The following PAQR8 variants were observed in gnomAD, a reference collection of about 807,000 sequenced individuals.
PAQR8 encodes the protein membrane progestin receptor beta.
Under a neutral mutation model 25.2 loss-of-function variants are expected in PAQR8, and 17 were observed. The observed-to-expected ratio is 0.67, with a 90% CI of 0.46 to 1.01. The LOEUF (loss-of-function observed/expected upper bound fraction) is 1.01, where lower values mean the gene tolerates loss of function less well. PAQR8 is among the 50% of genes least tolerant of loss of function. PAQR8 has a pLI of 0.00. For synonymous variants in PAQR8, 204 were observed against 190.6 expected (o/e 1.07, Z -0.58); for missense variants, 392 against 448.4 (o/e 0.87, Z 1.14).
chr6:52,391,725 T>G (rs1311467989), intron 1 of PAQR8, among the ~76,000 whole-genome samples: 1 of 152,260 alleles, frequency 6.6e-6, no homozygotes, highest in South Asian at 2.1e-4. Flanking sequence ...GTTGTCATTT[T>G]GGCTGCTATT....
intron 1 of PAQR8, among the ~76,000 whole-genome samples, chr6:52,389,513 G>T (rs10046297): frequency 0.18 from 27,183 of 152,142 alleles, 2,647 homozygotes; most frequent in Non-Finnish European, 0.22. Flanking sequence ...GATAGATAAG[G>T]GTTGGGGGCG....
intron 1 of PAQR8, among the ~76,000 whole-genome samples, chr6:52,376,612 T>C (rs1251035264): frequency 6.6e-6 from 1 of 152,176 alleles, no homozygotes; most frequent in Non-Finnish European, 1.5e-5. Flanking sequence ...CAAGTATTTT[T>C]AAAGTATTTT....
At chr6:52,382,851 G>T (rs929139773) in intron 1 of PAQR8, among the ~76,000 whole-genome samples, 1 of 152,120 alleles carries the variant, frequency 6.6e-6, no homozygotes, top group African/African-American at 2.4e-5. Context: ...CTAGAATGCG[G>T]TGTCACTATC....
At chr6:52,401,311 G>A (rs1316536869) in intron 1 of PAQR8, among the ~76,000 whole-genome samples, 1 of 152,120 alleles carries the variant, frequency 6.6e-6, no homozygotes, top group East Asian at 1.9e-4. Context: ...TGCTGTATGT[G>A]CTCCATTTAG....
chr6:52,389,288 A>G (rs1763668967), intron 1 of PAQR8, among the ~76,000 whole-genome samples: 1 of 152,240 alleles, frequency 6.6e-6, no homozygotes, highest in African/African-American at 2.4e-5. Context: ...GGCAAAGGAT[A>G]GTCATTCACT....
At chr6:52,392,519 C>T (rs1053910951) in intron 1 of PAQR8, among the ~76,000 whole-genome samples, 4 of 152,160 alleles carry the variant, frequency 2.6e-5, no homozygotes, top group African/African-American at 2.4e-5. Context: ...TTCTATTTGT[C>T]ATCCAGATAA....
chr6:52,370,067 T>C (rs1216461331), intron 1 of PAQR8, among the ~76,000 whole-genome samples: 2 of 148,950 alleles, frequency 1.3e-5, no homozygotes, highest in African/African-American at 5.0e-5. Context: ...TTTCTTGGAT[T>C]GCATGGGTTT....
intron 1 of PAQR8, among the ~76,000 whole-genome samples, chr6:52,395,569 T>A (rs906629406): frequency 2.6e-5 from 4 of 152,206 alleles, no homozygotes; most frequent in Non-Finnish European, 5.9e-5. Context: ...GAGGCAGTAT[T>A]ATGATGATTC....
chr6:52,397,262 C>A (rs1694930404), intron 1 of PAQR8, among the ~76,000 whole-genome samples: 1 of 152,140 alleles, frequency 6.6e-6, no homozygotes, highest in Non-Finnish European at 1.5e-5. Flanking sequence ...TTCCTCATTA[C>A]TCCCCAGTAG....
At chr6:52,363,753 G>A (rs1763317845) in intron 1 of PAQR8, among the ~76,000 whole-genome samples, 1 of 152,158 alleles carries the variant, frequency 6.6e-6, no homozygotes, top group African/African-American at 2.4e-5. Context: ...TATCCACAAC[G>A]TGTACCCAGC....
chr6:52,375,044 TTTA>T (rs745719356), intron 1 of PAQR8, among the ~76,000 whole-genome samples: 25 of 152,052 alleles, frequency 1.6e-4, no homozygotes, highest in East Asian at 3.8e-4. Context: ...GAAATAGTTT[TTTA>T]TTATTGATAT....
chr6:52,376,165 A>G (rs1763483041), intron 1 of PAQR8, among the ~76,000 whole-genome samples: 1 of 152,222 alleles, frequency 6.6e-6, no homozygotes, highest in Admixed American at 6.5e-5. Flanking sequence ...AATGCGTATG[A>G]AGCATCAAGA....
intron 1 of PAQR8, among the ~76,000 whole-genome samples, chr6:52,402,551 A>G (rs1258845790): frequency 2.1e-5 from 3 of 141,894 alleles, no homozygotes; most frequent in African/African-American, 8.0e-5. Flanking sequence ...CGGGAGGCGG[A>G]GGTTGTGGTG....
Position 52,384,142 on chromosome 6 carries a change from T to C in PAQR8, c.-52-19020T>C, listed in dbSNP as rs923653058. 1.2e-4 allele frequency among the ~76,000 whole-genome samples: 18 copies of C among 152,220 alleles called. 1 individual carries two copies. Among genetic ancestry groups the C allele is most frequent in the African/African-American group, 4.3e-4 (18 of 41,462 alleles). ...AAATTTCACTCTTGATTTCAAGGCT[T>C]GATGCCTGAGAGATTGGTTACATCA... On this transcript the variant is annotated intron_variant, in intron 1 of 1. Coordinates refer to ENST00000442253, the MANE Select transcript of PAQR8 (RefSeq NM_133367.5).
chr6:52,404,011 G>A lies in PAQR8; in HGVS notation c.798G>A (p.Val266=). Residue 266 remains valine (V), a synonymous_variant, in exon 2 of 2, where the codon GTG becomes GTA. Transcript: ENST00000442253. ...LVSAYFFSCP[V]PEKYFPGSCD... ...GCGCTTATTTCTTCTCCTGCCCCGT[G>A]CCTGAGAAGTACTTCCCGGGTTCCT... 1.2e-6 allele frequency: 2 copies of A among 1,614,186 alleles called. No individual in the cohort carries two copies. Among genetic ancestry groups the A allele is most frequent in the South Asian group, 1.1e-5 (1 of 91,086 alleles).
chr6:52,381,250 A>G (rs141386573), intron 1 of PAQR8, among the ~76,000 whole-genome samples: 5 of 152,362 alleles, frequency 3.3e-5, no homozygotes, highest in Admixed American at 3.3e-4. Flanking sequence ...GTGGGGGAAG[A>G]GGAAACGGAT....
chr6:52,383,660 CAAAAA>C, intron 1 of PAQR8, among the ~76,000 whole-genome samples: 1 of 128,080 alleles, frequency 7.8e-6, no homozygotes, highest in Non-Finnish European at 1.6e-5. Flanking sequence ...GAGTCCGTCT[CAAAAA>C]AAAAAAAAAA....
chr6:52,398,784 C>A (rs905115438), intron 1 of PAQR8, among the ~76,000 whole-genome samples: 5 of 152,126 alleles, frequency 3.3e-5, no homozygotes, highest in African/African-American at 1.2e-4. Context: ...GAACTCCTGA[C>A]CTCAAGCAGT....
chr6:52,383,655 C>T (rs1368743579), intron 1 of PAQR8, among the ~76,000 whole-genome samples: 9 of 71,422 alleles, frequency 1.3e-4, no homozygotes, highest in Admixed American at 6.5e-4. Flanking sequence ...AGCGAGAGTC[C>T]GTCTCAAAAA....
Sources: allele counts gnomAD v4.1 joint callset (sites outside exome capture counted in the v4.1 genomes callset), GRCh38; gene constraint gnomAD v4.1.1; transcripts MANE v1.5; gene names NCBI Gene and HGNC (gene_info 2026-07-23, HGNC 2026-07-21).